The following FGF14 variants were observed in gnomAD, a reference collection of about 807,000 sequenced individuals.
The protein encoded by FGF14 is fibroblast growth factor 14.
Under a neutral mutation model 25.5 loss-of-function variants are expected in FGF14, and 5 were observed. The observed-to-expected ratio is 0.20, with a 90% CI of 0.10 to 0.41. FGF14 has a LOEUF of 0.41. Ranked by LOEUF, FGF14 falls within the 10% of genes least tolerant of loss-of-function variation. The pLI is 1.00. For missense variants in FGF14, 222 were observed against 320.1 expected (o/e 0.69, Z 2.34); for synonymous variants, 138 against 118.3 (o/e 1.17, Z -1.08).
intron 1 of FGF14, among the ~76,000 whole-genome samples, chr13:102,375,634 A>T (rs2058022468): frequency 6.6e-6 from 1 of 152,230 alleles, no homozygotes; most frequent in South Asian, 2.1e-4. Context: ...TATAAACTTT[A>T]GTTCCTATTT....
chr13:102,210,078 T>C (rs1398450018), intron 1 of FGF14, among the ~76,000 whole-genome samples: 2 of 151,880 alleles, frequency 1.3e-5, no homozygotes, highest in East Asian at 1.9e-4. Context: ...ACAAATATAG[T>C]TATTTTTATT....
chr13:101,818,242 C>G (rs1027978446), intron 3 of FGF14, among the ~76,000 whole-genome samples: 4 of 152,180 alleles, frequency 2.6e-5, no homozygotes, highest in African/African-American at 9.7e-5. Flanking sequence ...TTTCTTGAAA[C>G]TTCTTTAGGT....
intron 1 of FGF14, among the ~76,000 whole-genome samples, chr13:101,971,457 G>A (rs971324515): frequency 3.3e-5 from 5 of 151,040 alleles, no homozygotes; most frequent in African/African-American, 2.4e-5. Flanking sequence ...TGCAACCTCC[G>A]CCTCCCAGGC....
intron 1 of FGF14, among the ~76,000 whole-genome samples, chr13:102,227,582 T>C (rs566573661): frequency 1.3e-5 from 2 of 152,316 alleles, no homozygotes; most frequent in South Asian, 4.1e-4. Flanking sequence ...ACACCATGAA[T>C]ATTACTCTAC....
intron 3 of FGF14, among the ~76,000 whole-genome samples, chr13:101,774,134 T>TA (rs2038950192): frequency 1.3e-5 from 2 of 152,190 alleles, no homozygotes; most frequent in Non-Finnish European, 2.9e-5. Context: ...CAATAATACT[T>TA]AGAGAATTTG....
rs1449624179 is a variant in FGF14 at position 101,722,396 on chromosome 13, GT to G, written c.*434del. On this transcript the variant is annotated 3_prime_UTR_variant, in exon 5 of 5. Transcript: ENST00000376143. ...AGAAGAGAAATCCGTAATAGCACAGGTTTACAGCGTCTAACTAGAAATTACT... is the reference window on the plus strand; with the variant it reads ...AGAAGAGAAATCCGTAATAGCACAGGTTACAGCGTCTAACTAGAAATTACT... 5.7e-5 allele frequency: 16 copies of G among 282,954 alleles called. No homozygotes were observed. Among genetic ancestry groups the G allele is most frequent in the Admixed American group, 2.0e-4 (4 of 20,510 alleles). The allele number at this position is 282,954 out of a possible 1,614,324, so 17.5% of individuals were successfully genotyped here. A position where few individuals can be genotyped will look rare whatever the true frequency, so the allele number is the denominator to read the frequency against.
At chr13:101,830,283 G>A (rs2042605081) in intron 3 of FGF14, among the ~76,000 whole-genome samples, 1 of 151,968 alleles carries the variant, frequency 6.6e-6, no homozygotes, top group African/African-American at 2.4e-5. Flanking sequence ...CCTGGGAGAG[G>A]AGGCAGTGAT....
intron 1 of FGF14, among the ~76,000 whole-genome samples, chr13:102,294,761 T>C (rs1935411077): frequency 1.3e-5 from 2 of 152,168 alleles, no homozygotes; most frequent in African/African-American, 2.4e-5. Flanking sequence ...CTAGTCTATA[T>C]AGTTAGACTG....
chr13:101,864,784 A>G (rs2044609900), intron 3 of FGF14, among the ~76,000 whole-genome samples: 1 of 152,162 alleles, frequency 6.6e-6, no homozygotes, highest in Non-Finnish European at 1.5e-5. Context: ...TGATGGCACC[A>G]GGAGGAAAAT....
chr13:101,827,802 T>C (rs1383234761), intron 3 of FGF14, among the ~76,000 whole-genome samples: 3 of 151,896 alleles, frequency 2.0e-5, no homozygotes, highest in South Asian at 2.1e-4. Context: ...GTTTCATTAA[T>C]TGAATCATGC....
At chr13:102,161,602 AAGAAG>A (rs2047679207) in intron 1 of FGF14, among the ~76,000 whole-genome samples, 1 of 3,326 alleles carries the variant, frequency 3.0e-4, no homozygotes, top group Non-Finnish European at 4.6e-4. Flanking sequence ...GAAGAAGAAG[AAGAAG>A]AAGAAGAAGA....
intron 1 of FGF14, among the ~76,000 whole-genome samples, chr13:102,360,596 T>C (rs1293811893): frequency 6.6e-6 from 1 of 152,192 alleles, no homozygotes; most frequent in Non-Finnish European, 1.5e-5. Flanking sequence ...GATGAAAATA[T>C]AAACTCTCAA....
intron 3 of FGF14, among the ~76,000 whole-genome samples, chr13:101,799,120 T>C (rs2040724547): frequency 6.6e-6 from 1 of 152,214 alleles, no homozygotes; most frequent in East Asian, 1.9e-4. Context: ...GTGTACACAA[T>C]TGTTCAACAT....
chr13:102,077,167 G>A (rs667739), intron 1 of FGF14, among the ~76,000 whole-genome samples: 14,653 of 152,080 alleles, frequency 0.096, 1,388 homozygotes, highest in African/African-American at 0.25. Flanking sequence ...TTAAACATTT[G>A]AATGTATGAC....
At position 101,715,478 on chromosome 13, in the gene FGF14, T is replaced by C; in HGVS notation, c.*7353A>G. 1.1e-6 allele frequency: 1 copy of C among 905,612 alleles called. No individual in the cohort carries two copies. Among genetic ancestry groups the C allele is most frequent in the Non-Finnish European group, 1.8e-6 (1 of 541,826 alleles). 56.1% of individuals were successfully genotyped at this position (905,612 alleles called of 1,614,324 possible). A position where few individuals can be genotyped will look rare whatever the true frequency, so the allele number is the denominator to read the frequency against. ...CCAAGGATGAATGAAATGATTTCAT[T>C]GTGGACACTTGTGATTTATAATAGC... On this transcript the variant is annotated 3_prime_UTR_variant, in exon 5 of 5. Transcript: ENST00000376143.
intron 1 of FGF14, among the ~76,000 whole-genome samples, chr13:101,905,073 G>A (rs2032066363): frequency 6.6e-6 from 1 of 152,174 alleles, no homozygotes; most frequent in Admixed American, 6.6e-5. Flanking sequence ...GAACTCTGCT[G>A]TCCTGTATAA....
At chr13:102,070,423 C>T (rs1432966330) in intron 1 of FGF14, among the ~76,000 whole-genome samples, 1 of 152,184 alleles carries the variant, frequency 6.6e-6, no homozygotes, top group Non-Finnish European at 1.5e-5. Flanking sequence ...CCCTTGTACA[C>T]TGTTGGTGGG....
At chr13:101,948,593 C>T (rs1594800874) in intron 1 of FGF14, among the ~76,000 whole-genome samples, 1 of 151,756 alleles carries the variant, frequency 6.6e-6, no homozygotes, top group South Asian at 2.1e-4. Flanking sequence ...TGAGCTCATT[C>T]GTAATGATAG....
At chr13:101,931,511 TCTC>T (rs2034748030) in intron 1 of FGF14, among the ~76,000 whole-genome samples, 1 of 152,206 alleles carries the variant, frequency 6.6e-6, no homozygotes, top group Admixed American at 6.5e-5. Flanking sequence ...TGCTCCCCTC[TCTC>T]CTCCTCCACC....
Sources: allele counts gnomAD v4.1 joint callset (sites outside exome capture counted in the v4.1 genomes callset), GRCh38; gene constraint gnomAD v4.1.1; transcripts MANE v1.5; gene names NCBI Gene and HGNC (gene_info 2026-07-23, HGNC 2026-07-21).